The following ZC3H13 variants were observed in gnomAD, a reference collection of about 807,000 sequenced individuals.
The protein encoded by ZC3H13 is zinc finger CCCH-type containing 13.
Under a neutral mutation model 204.1 loss-of-function variants are expected in ZC3H13, and 64 were observed. The ratio of observed to expected loss-of-function variants is 0.31; its 90% CI spans 0.26 to 0.39. The LOEUF (loss-of-function observed/expected upper bound fraction) is 0.39. ZC3H13 is among the 10% of genes least tolerant of loss of function. ZC3H13 has a pLI of 1.00. For synonymous variants in ZC3H13, 667 were observed against 693.7 expected, an observed-to-expected ratio of 0.96 and a Z score of 0.60; for missense variants, 1,833 against 2,082.7, an observed-to-expected ratio of 0.88 and a Z score of 2.33.
At chr13:46,048,642 A>T (rs542891841) in intron 1 of ZC3H13, among the ~76,000 whole-genome samples, 169 of 151,596 alleles carry the variant, frequency 1.1e-3, no homozygotes, top group African/African-American at 3.8e-3. Flanking sequence ...GCTATGAAAG[A>T]CAATCAAGTG....
At chr13:46,010,890 A>G (rs1236474631) in intron 6 of ZC3H13, among the ~76,000 whole-genome samples, 1 of 152,110 alleles carries the variant, frequency 6.6e-6, no homozygotes, top group East Asian at 1.9e-4. Context: ...CCCTACAAAA[A>G]AAGTTTGAAA....
chr13:45,969,827 T>C lies in ZC3H13; in HGVS notation c.2717A>G (p.Glu906Gly), dbSNP rs1952432259. ...AACTTTCTCCTTGAGTTCCTGTTCT[T>C]CGTAGCGCCTTGAACTCTCTTTCCT... Reference protein sequence around the residue: ...PERKESSRRYEEQELKEKVSS... With the variant: ...PERKESSRRYGEQELKEKVSS... The change falls in exon 14 of 19, where the codon GAA (glutamate) becomes GGA (glycine). Residue 906 changes from glutamate to glycine, a missense_variant. This residue lies in a region of ZC3H13 where 1,574 missense variants were observed against 1,757.2 expected (regional missense o/e 0.90). Transcript: ENST00000679008. 1 of 1,613,904 alleles carries C rather than the reference T, an allele frequency of 6.2e-7. No homozygotes were observed. The highest frequency in any genetic ancestry group is 1.7e-5 in the Admixed American group (1 of 59,996).
chr13:46,000,051 T>C (rs138137929), intron 8 of ZC3H13, among the ~76,000 whole-genome samples: 4 of 152,218 alleles, frequency 2.6e-5, no homozygotes, highest in African/African-American at 9.6e-5. Context: ...TGTAAACAGA[T>C]GTGCTGTCAT....
intron 18 of ZC3H13, among the ~76,000 whole-genome samples, chr13:45,957,611 C>T (rs1173284913): frequency 6.6e-6 from 1 of 152,154 alleles, no homozygotes; most frequent in Non-Finnish European, 1.5e-5. Context: ...AAACACACTG[C>T]ACGTTCTGTT....
intron 8 of ZC3H13, among the ~76,000 whole-genome samples, chr13:46,000,193 G>A (rs141249588): frequency 4.6e-5 from 7 of 152,244 alleles, no homozygotes; most frequent in East Asian, 3.9e-4. Context: ...GGCCCCTAAC[G>A]AGAGAGTCAG....
chr13:45,996,836 A>G (rs979798684), intron 8 of ZC3H13, among the ~76,000 whole-genome samples: 23 of 152,302 alleles, frequency 1.5e-4, no homozygotes, highest in Admixed American at 5.9e-4. Flanking sequence ...AGGTTGCAAA[A>G]ATCTACAATA....
chr13:45,985,892 A>G, intron 9 of ZC3H13, 131 bp from the exon 10 acceptor site: 1 of 836,214 alleles, frequency 1.2e-6, no homozygotes, highest in Non-Finnish European at 1.8e-6. Context: ...AAAATAAAGA[A>G]GCTAAAATTC....
At chr13:45,967,440 G>A in intron 15 of ZC3H13, 64 bp downstream of exon 15, 2 of 1,481,144 alleles carry the variant, frequency 1.4e-6, no homozygotes, top group South Asian at 1.5e-5. Context: ...AAAGAAAATA[G>A]TTGTTTCCCA....
intron 16 of ZC3H13, among the ~76,000 whole-genome samples, chr13:45,965,010 CATATA>C (rs1168352163): frequency 3.3e-5 from 5 of 152,250 alleles, no homozygotes; most frequent in Admixed American, 1.3e-4. Flanking sequence ...GATTCCAAGT[CATATA>C]ATATGATTCT....
chr13:45,969,176 G>A lies in ZC3H13; in HGVS notation c.3368C>T (p.Thr1123Ile). 6.2e-7 allele frequency: 1 copy of A among 1,614,076 alleles called. No individual in the cohort carries two copies. Among genetic ancestry groups the A allele is most frequent in the South Asian group, 1.1e-5 (1 of 91,078 alleles). The stretch of plus-strand genomic sequence containing the variant: ...GCTGAAAGAGGTGGCGGCAGCAGCA[G>A]TAGTGGCAGCAAGAGTTGCAGGCAC... Reference protein sequence around the residue: ...TTVPATLAATTAAAATSFSTS... With the variant: ...TTVPATLAATIAAAATSFSTS... Residue 1123 changes from threonine to isoleucine, a missense_variant, in exon 14 of 19, where the codon ACT (threonine) becomes ATT (isoleucine). Transcript: ENST00000679008.
intron 4 of ZC3H13, among the ~76,000 whole-genome samples, chr13:46,038,687 C>A (rs1170762015): frequency 2.0e-5 from 3 of 152,092 alleles, no homozygotes; most frequent in Non-Finnish European, 4.4e-5. Context: ...CAAGAATGCA[C>A]CATAAAAATG....
intron 2 of ZC3H13, 77 bp from the exon 3 acceptor site, chr13:46,045,141 C>T (rs555836433): frequency 5.5e-6 from 7 of 1,276,446 alleles, no homozygotes; most frequent in Non-Finnish European, 7.6e-6. Context: ...AAAATTAAAA[C>T]AAATGCTACC....
At chr13:46,037,304 A>G (rs975653819) in intron 4 of ZC3H13, among the ~76,000 whole-genome samples, 1 of 152,212 alleles carries the variant, frequency 6.6e-6, no homozygotes, top group African/African-American at 2.4e-5. Flanking sequence ...TGTAAGACTT[A>G]GGTAAGCAAT....
At chr13:45,992,008 T>C (rs1303234458) in intron 8 of ZC3H13, among the ~76,000 whole-genome samples, 1 of 152,162 alleles carries the variant, frequency 6.6e-6, no homozygotes, top group East Asian at 1.9e-4. Flanking sequence ...AATGTTTCTT[T>C]CAAAAAATGG....
At chr13:46,021,520 G>GT (rs2042217834) in intron 4 of ZC3H13, among the ~76,000 whole-genome samples, 1 of 64,192 alleles carries the variant, frequency 1.6e-5, no homozygotes, top group Non-Finnish European at 2.9e-5. Context: ...AAATTTGGCT[G>GT]CTTAAAACAC....
chr13:45,964,148 G>C (rs1291873584), intron 16 of ZC3H13, 106 bp from the exon 17 acceptor site: 13 of 1,126,596 alleles, frequency 1.2e-5, no homozygotes. Flanking sequence ...AAAATGAAAA[G>C]TACTTTAAAC....
At chr13:45,978,903 T>A (rs995832421) in intron 11 of ZC3H13, among the ~76,000 whole-genome samples, 10 of 152,030 alleles carry the variant, frequency 6.6e-5, no homozygotes, top group Non-Finnish European at 4.4e-5. Flanking sequence ...AAACTCAACC[T>A]AATCAATTCT....
intron 11 of ZC3H13, among the ~76,000 whole-genome samples, chr13:45,976,849 T>A (rs1022152068): frequency 6.6e-6 from 1 of 152,206 alleles, no homozygotes; most frequent in Non-Finnish European, 1.5e-5. Flanking sequence ...GCCAACAGGT[T>A]GGTAAGTGGA....
In ZC3H13 at chr13:45,957,237, T is replaced by G. The variant is rs1448358785; in HGVS notation, c.4900A>C (p.Ser1634Arg). ...GTCTTCCGCTTAAATAACCGAAGAC[T>G]CAATCGAAGTAATTCATTGTCTACC... ...PMVDNELLRL[S>R]LRLFKRKTTC... The change falls in exon 19 of 19, where the codon AGT becomes CGT. Residue 1634 changes from serine to arginine, a missense_variant. Around this residue, in one of 5 missense-constraint regions of ZC3H13, gnomAD observed 211 missense variants for 228.4 expected, o/e 0.92. Transcript: ENST00000679008. 1 of 1,548,354 alleles carries G rather than the reference T, an allele frequency of 6.5e-7. No homozygotes were observed. Among genetic ancestry groups the G allele is most frequent in the Admixed American group, 2.0e-5 (1 of 50,870 alleles).
Sources: allele counts gnomAD v4.1 joint callset (sites outside exome capture counted in the v4.1 genomes callset), GRCh38; gene constraint gnomAD v4.1.1; regional missense constraint gnomAD v4.1.1; transcripts MANE v1.5; gene names NCBI Gene and HGNC (gene_info 2026-07-23, HGNC 2026-07-21).